SMCHD1: variants seen among roughly 807,000 people sequenced by gnomAD.
The protein encoded by SMCHD1 is structural maintenance of chromosomes flexible hinge domain-containing protein 1.
A neutral mutation model predicts 254.7 loss-of-function variants in SMCHD1; 78 were observed. That is an observed-to-expected ratio of 0.31 (90% CI 0.26 to 0.37). SMCHD1 has a LOEUF of 0.37. Among genes scored for constraint, SMCHD1 ranks in the 10% least tolerant of loss-of-function variants. The pLI, the probability that SMCHD1 is intolerant of heterozygous loss-of-function variation, is 1.00. For missense variants in SMCHD1, 1,840 were observed against 2,408.1 expected (o/e 0.76, Z 4.94); for synonymous variants, 766 against 794.9 (o/e 0.96, Z 0.61).
At chr18:2,772,446 G>C in intron 41 of SMCHD1, 74 bp downstream of exon 41, 1 of 1,296,424 alleles carries the variant, frequency 7.7e-7, no homozygotes, top group African/African-American at 1.5e-5. Flanking sequence ...TCTTCTAAAA[G>C]TGACAAAAAA....
rs1354918886 is a variant in SMCHD1, at chr18:2,675,368, G to A, written c.638+1223G>A. 5.4e-5 allele frequency among the ~76,000 whole-genome samples: 8 copies of A among 148,410 alleles called. No individual in the cohort carries two copies. The East Asian group carries it at 8.0e-4, about 15-fold the overall frequency. ...CAACCTCTGCCTCCCAGGTTCAAAC[G>A]ATTCTTCTGCCTCAGCCTCCCGAGT... is the stretch of plus-strand genomic sequence containing the variant. On this transcript the variant is annotated intron_variant, in intron 5 of 47. Coordinates refer to ENST00000320876, the MANE Select transcript of SMCHD1 (RefSeq NM_015295.3).
chr18:2,763,846 C>A (rs2075825728), intron 37 of SMCHD1, 57 bp downstream of exon 37: 1 of 1,492,866 alleles, frequency 6.7e-7, no homozygotes, highest in Non-Finnish European at 9.2e-7. Context: ...CTTTTAACCA[C>A]CATATTAAGA....
rs568734972 is a variant in SMCHD1, at chr18:2,736,713, C to G, written c.3277-1684C>G. Among the ~76,000 whole-genome samples the G allele has an allele frequency of 3.3e-5, 5 of 152,220 alleles. No individual in the cohort carries two copies. The South Asian group carries it at 1.0e-3, about 32-fold the overall frequency. On this transcript the variant is annotated intron_variant, in intron 25 of 47. Transcript: ENST00000320876. ...AAAGCAAAGAGATACCATCTCACAC[C>G]AGTCAGAATGTCTATATTTAAAACA...
At position 2,762,186 on chromosome 18, in the gene SMCHD1, C is replaced by T. The variant is rs1435630796; in HGVS notation, c.4516C>T (p.Arg1506Cys). 4 of 1,613,458 alleles carry T rather than the reference C, an allele frequency of 2.5e-6. No homozygotes were observed. The highest frequency in any genetic ancestry group is 2.7e-5 in the African/African-American group (2 of 74,870). ...KPPTPAVSNV[R>C]SVASRTLVRD... Reference sequence around the variant, plus strand: ...ACCTACACCAGCTGTTTCAAATGTTCGCTCAGTTGCCAGTAGGACCTTGGT... The same window carrying T: ...ACCTACACCAGCTGTTTCAAATGTTTGCTCAGTTGCCAGTAGGACCTTGGT... The change falls in exon 36 of 48, where the codon CGC becomes TGC. Residue 1506 changes from arginine to cysteine, a missense_variant. Physicochemically the swap from Arg to Cys is radical, Grantham distance 180 (BLOSUM62 -3). Transcript: ENST00000320876.
intron 27 of SMCHD1, among the ~76,000 whole-genome samples, chr18:2,740,378 A>G (rs565509619): frequency 2.7e-4 from 41 of 152,318 alleles, no homozygotes; most frequent in African/African-American, 8.9e-4. Context: ...ACATAAAAGT[A>G]TAACATACAT....
Position 2,718,062 on chromosome 18 carries a change from C to A in SMCHD1, c.2261-96C>A, listed in dbSNP as rs192281274. On this transcript the variant is annotated intron_variant, in intron 17 of 47. Coordinates refer to ENST00000320876, the MANE Select transcript of SMCHD1 (RefSeq NM_015295.3). This position sits in a 1 kb window ranked among gnomAD's most constrained non-coding sequence, Gnocchi z 4.6. ...AAGCTTCAAAGCAGGTTTTAAAATA[C>A]AGCAAATAGGTATTTGGTGCCAATG... The A allele has an allele frequency of 3.4e-6, 3 of 890,082 alleles. No individual in the cohort carries two copies. The highest frequency in any genetic ancestry group is 5.3e-5 in the Admixed American group (2 of 37,508). 55.1% of individuals were successfully genotyped at this position (890,082 alleles called of 1,614,324 possible). A position where few individuals can be genotyped will look rare whatever the true frequency, so the allele number is the denominator to read the frequency against.
At chr18:2,699,806 T>G (rs2074362206) in intron 10 of SMCHD1, among the ~76,000 whole-genome samples, 3 of 152,208 alleles carry the variant, frequency 2.0e-5, no homozygotes, top group Admixed American at 2.0e-4. Flanking sequence ...GAAAGCAGCT[T>G]TTATATAAGG....
chr18:2,706,962 A>AAG (rs890064399), intron 15 of SMCHD1, among the ~76,000 whole-genome samples: 13 of 151,826 alleles, frequency 8.6e-5, no homozygotes, highest in Non-Finnish European at 1.8e-4. Context: ...TGGGCGGCAG[A>AAG]AGAGAGAGAG....
intron 25 of SMCHD1, among the ~76,000 whole-genome samples, chr18:2,733,564 G>A (rs2075185008): frequency 1.3e-5 from 2 of 152,148 alleles, no homozygotes; most frequent in South Asian, 4.2e-4. Flanking sequence ...AGGTGTTTGA[G>A]GTGCAACATT....
At position 2,796,578 on chromosome 18, in the gene SMCHD1, T is replaced by G. The variant is rs2076268341; in HGVS notation, c.5993+57T>G. 3.6e-6 allele frequency: 4 copies of G among 1,125,914 alleles called. No individual in the cohort carries two copies. The African/African-American group carries it at 4.7e-5, about 13-fold the overall frequency. 69.7% of individuals were successfully genotyped at this position (1,125,914 alleles called of 1,614,324 possible). A position where few individuals can be genotyped will look rare whatever the true frequency, so the allele number is the denominator to read the frequency against. The stretch of plus-strand genomic sequence containing the variant: ...GTTAGTTTACCAAAGTTCTTGGGTC[T>G]CATGATAGCTTTGTTTTTTTGAGAT... On this transcript the variant is annotated intron_variant, in intron 47 of 47. Coordinates refer to ENST00000320876, the MANE Select transcript of SMCHD1 (RefSeq NM_015295.3).
intron 12 of SMCHD1, among the ~76,000 whole-genome samples, chr18:2,703,008 G>A (rs1430193204): frequency 6.6e-6 from 1 of 151,930 alleles, no homozygotes; most frequent in Non-Finnish European, 1.5e-5. Flanking sequence ...CTCCCAACAG[G>A]GTGAAGAATG....
At chr18:2,770,328 C>T (rs906558667) in intron 39 of SMCHD1, among the ~76,000 whole-genome samples, 3 of 152,168 alleles carry the variant, frequency 2.0e-5, no homozygotes, top group Admixed American at 6.5e-5. Flanking sequence ...GAAATCAACA[C>T]GTTCTGTTAG....
rs560211623 is a variant in SMCHD1, at chr18:2,770,909, A to G, written c.4967-624A>G. On this transcript the variant is annotated intron_variant, in intron 39 of 47. Coordinates refer to ENST00000320876, the MANE Select transcript of SMCHD1 (RefSeq NM_015295.3). Reference sequence around the variant, plus strand: ...AGTGCTAGGATTACAGGTGTTAGCCACCACACCCAGCCTACGTTTGCTGCA... The same window carrying G: ...AGTGCTAGGATTACAGGTGTTAGCCGCCACACCCAGCCTACGTTTGCTGCA... Among the ~76,000 whole-genome samples the G allele has an allele frequency of 3.9e-5, 6 of 152,340 alleles. No individual in the cohort carries two copies. In the South Asian group the frequency reaches 8.3e-4, roughly 21 times the overall value.
chr18:2,722,960 A>T (rs1367632094), intron 20 of SMCHD1, among the ~76,000 whole-genome samples: 1 of 152,136 alleles, frequency 6.6e-6, no homozygotes, highest in East Asian at 1.9e-4. Context: ...ACAATTCATT[A>T]TTTGAAATAC....
At chr18:2,671,230 C>G (rs1033542917) in intron 3 of SMCHD1, among the ~76,000 whole-genome samples, 1 of 152,104 alleles carries the variant, frequency 6.6e-6, no homozygotes, top group Admixed American at 6.6e-5. Flanking sequence ...GCCACTGCAC[C>G]TGGCCCATGA....
At chr18:2,711,733 C>T (rs183054631) in intron 17 of SMCHD1, among the ~76,000 whole-genome samples, 3 of 152,114 alleles carry the variant, frequency 2.0e-5, no homozygotes, top group Admixed American at 1.3e-4. Context: ...CCGCCCGCCT[C>T]GGCCTCCCAA....
At chr18:2,710,881 G>A (rs11661834) in intron 17 of SMCHD1, among the ~76,000 whole-genome samples, 4 of 152,088 alleles carry the variant, frequency 2.6e-5, no homozygotes, top group Admixed American at 2.0e-4. Flanking sequence ...TCATGAAAGA[G>A]TATTGTTTTC....
chr18:2,671,591 T>C (rs1026634301), intron 3 of SMCHD1, among the ~76,000 whole-genome samples: 1 of 138,824 alleles, frequency 7.2e-6, no homozygotes, highest in Non-Finnish European at 1.6e-5. Context: ...TGATCTTTTC[T>C]TTTCTTTTTT....
At chr18:2,687,710 G>A (rs1048760965) in intron 5 of SMCHD1, among the ~76,000 whole-genome samples, 3 of 151,940 alleles carry the variant, frequency 2.0e-5, no homozygotes, top group Non-Finnish European at 2.9e-5. Context: ...GTCTTTTAAC[G>A]CCACTTTGAT....
Sources: allele counts gnomAD v4.1 joint callset (sites outside exome capture counted in the v4.1 genomes callset), GRCh38; gene constraint gnomAD v4.1.1; non-coding constraint Gnocchi (gnomAD v3.1); transcripts MANE v1.5; gene names NCBI Gene and HGNC (gene_info 2026-07-23, HGNC 2026-07-21).